ANK2: variants seen among roughly 807,000 people sequenced by gnomAD.
The protein encoded by ANK2 is ankyrin 2.
ANK2 carries 83 observed loss-of-function variants against 360.5 expected under a neutral mutation model. The observed-to-expected ratio is 0.23, with a 90% CI of 0.19 to 0.28. The LOEUF is 0.28. Ranked by LOEUF, ANK2 falls within the 10% of genes least tolerant of loss-of-function variation. The probability of loss-of-function intolerance (pLI) is 1.00; values close to 1 mark genes in which losing one functional copy is unlikely to be tolerated. For missense variants in ANK2, 4,201 were observed against 4,795.7 expected (o/e 0.88, Z 3.66); for synonymous variants, 1,740 against 1,759.5 (o/e 0.99, Z 0.28).
chr4:113,029,774 C>T (rs761774964), intron 2 of ANK2, among the ~76,000 whole-genome samples: 10 of 152,122 alleles, frequency 6.6e-5, no homozygotes, highest in Non-Finnish European at 1.3e-4. Context: ...TGACTTATCT[C>T]GACGGCCAAA....
At position 113,258,295 on chromosome 4, in the gene ANK2, T is replaced by C. The variant is rs1199417291; in HGVS notation, c.1288-18T>C. On this transcript the variant is annotated intron_variant, in intron 12 of 45. Coordinates refer to ENST00000357077, the MANE Select transcript of ANK2 (RefSeq NM_001148.6). ...CACCGGTGCAGAGGAGTAAAACTGCTGTTGCTTTGTTTCGCAGTCTGGCCT... is the reference window on the plus strand; with the variant it reads ...CACCGGTGCAGAGGAGTAAAACTGCCGTTGCTTTGTTTCGCAGTCTGGCCT... 2 of 1,612,584 alleles carry C rather than the reference T, an allele frequency of 1.2e-6. No individual in the cohort carries two copies. The highest frequency in any genetic ancestry group is 1.7e-6 in the Non-Finnish European group (2 of 1,178,812).
intron 1 of ANK2, among the ~76,000 whole-genome samples, chr4:113,109,393 A>T (rs2094028575): frequency 6.6e-6 from 1 of 152,140 alleles, no homozygotes; most frequent in South Asian, 2.1e-4. Context: ...TTTTAAACCA[A>T]GTTCGAAGCT....
intron 4 of ANK2, among the ~76,000 whole-genome samples, chr4:113,205,724 A>G (rs2098938095): frequency 6.6e-6 from 1 of 152,160 alleles, no homozygotes; most frequent in Non-Finnish European, 1.5e-5. Flanking sequence ...ATGTCTTTTC[A>G]GTTGTGGCTT....
rs1554513891 is a variant in ANK2 at position 113,333,123 on chromosome 4, C to T, written c.3294C>T (p.Arg1098=). 1 of 1,614,172 alleles carries T rather than the reference C, an allele frequency of 6.2e-7. No individual in the cohort carries two copies. The highest frequency in any genetic ancestry group is 8.5e-7 in the Non-Finnish European group (1 of 1,180,020). Residue 1098 remains arginine (R), a synonymous_variant, in exon 29 of 46, where the codon CGC becomes CGT. Coordinates refer to ENST00000357077, the MANE Select transcript of ANK2 (RefSeq NM_001148.6). ...RGKERELVVL[R]SENGDSWKEH... ...AGGAAAGGGAACTGGTGGTCCTGCG[C>T]AGTGAGAATGGGGACAGCTGGAAAG... is the stretch of plus-strand genomic sequence containing the variant.
chr4:112,810,155 ATATATTTT>A, the ANK2 span, among the ~76,000 whole-genome samples: 86 of 23,182 alleles, frequency 3.7e-3, no homozygotes, highest in African/African-American at 0.016. Flanking sequence ...ATATATATAT[ATATATTTT>A]TTTTTTTTTT....
At chr4:113,066,753 C>T (rs976692876) in intron 1 of ANK2, among the ~76,000 whole-genome samples, 6 of 152,024 alleles carry the variant, frequency 3.9e-5, no homozygotes, top group African/African-American at 1.2e-4. Context: ...CTGAGTAGAG[C>T]GTGGACTCTG....
the ANK2 span, among the ~76,000 whole-genome samples, chr4:112,712,290 GACTGGTCTCGA>G: frequency 6.7e-6 from 1 of 150,364 alleles, no homozygotes; most frequent in Admixed American, 6.6e-5. Flanking sequence ...ATGTTGGCCA[GACTGGTCTCGA>G]ACTTCTAACC....
upstream of ANK2, among the ~76,000 whole-genome samples, chr4:112,815,782 T>C (rs868776590): frequency 6.6e-6 from 1 of 152,230 alleles, no homozygotes; most frequent in Non-Finnish European, 1.5e-5. Context: ...AGCTTCCAAG[T>C]TGGTGAATGT....
chr4:112,858,326 A>G (rs527925090), intron 1 of ANK2, among the ~76,000 whole-genome samples: 41 of 152,326 alleles, frequency 2.7e-4, no homozygotes, highest in Middle Eastern at 3.4e-3. Context: ...TTATATCTTG[A>G]GCACAGACTA....
At chr4:113,116,977 C>A (rs10470912) in intron 1 of ANK2, 4 of 257,518 alleles carry the variant, frequency 1.6e-5, no homozygotes, top group African/African-American at 8.9e-5. Flanking sequence ...AGCTGGAAGT[C>A]TAGTGCTCCG....
Position 113,353,417 on chromosome 4 carries a change from T to C in ANK2, c.4799T>C (p.Ile1600Thr), listed in dbSNP as rs764150279. 6.2e-6 allele frequency: 10 copies of C among 1,613,856 alleles called. 1 individual carries two copies. The highest frequency in any genetic ancestry group is 1.6e-4 in the Middle Eastern group (1 of 6,082). ...EEWVIVSDEE[I>T]EEARQKAPLE... ...TGGGTTATTGTCAGTGATGAGGAAA[T>C]AGAAGAGGCTAGGCAAAAAGCACCT... The change falls in exon 38 of 46, where the codon ATA becomes ACA. Residue 1600 changes from isoleucine (I) to threonine (T), a missense_variant. Ile to Thr is a moderately conservative substitution (Grantham distance 89). Transcript: ENST00000357077.
the ANK2 span, among the ~76,000 whole-genome samples, chr4:112,730,161 C>T: frequency 5.7e-5 from 8 of 141,150 alleles, no homozygotes; most frequent in South Asian, 8.8e-4. Context: ...GGCTGAAGCA[C>T]GAGAATTGCT....
chr4:113,032,805 G>GTTAGAA (rs1474867987), intron 2 of ANK2, among the ~76,000 whole-genome samples: 1 of 152,060 alleles, frequency 6.6e-6, no homozygotes. Context: ...CCTAGGCTGA[G>GTTAGAA]TTAGAATACT....
At chr4:112,876,830 A>G (rs17672625) in intron 1 of ANK2, among the ~76,000 whole-genome samples, 11,284 of 152,224 alleles carry the variant, frequency 0.074, 617 homozygotes, top group Admixed American at 0.14. Flanking sequence ...TGCACATCAG[A>G]TACCACAAAG....
intron 1 of ANK2, among the ~76,000 whole-genome samples, chr4:112,901,160 C>T (rs955040921): frequency 1.5e-4 from 23 of 152,228 alleles, no homozygotes; most frequent in Admixed American, 5.2e-4. Flanking sequence ...GCACTTCATA[C>T]CTTTTTGTAG....
chr4:112,725,357 C>CTTTTTT, the ANK2 span, among the ~76,000 whole-genome samples: 3 of 73,594 alleles, frequency 4.1e-5, no homozygotes, highest in Non-Finnish European at 5.0e-5. Flanking sequence ...AAGACACAGT[C>CTTTTTT]TTTTTTTTTT....
In ANK2 at chr4:113,013,565, A is replaced by G. The variant is rs56722352; in HGVS notation, c.21+109051A>G. On this transcript the variant is annotated intron_variant, in intron 2 of 30. Coordinates refer to the ANK2 transcript ENST00000503271. ...GATAGTTAAAAATCTCCCAGAGTTA[A>G]CTACTTTTAACATCTTGTTGCAAAC... Among the ~76,000 whole-genome samples the G allele has an allele frequency of 7.8e-3, 1,183 of 152,318 alleles. 17 individuals carry two copies. The highest frequency in any genetic ancestry group is 0.027 in the African/African-American group (1,132 of 41,574).
intron 5 of ANK2, among the ~76,000 whole-genome samples, chr4:113,233,289 T>C (rs1044035999): frequency 3.3e-5 from 5 of 149,726 alleles, no homozygotes; most frequent in African/African-American, 4.9e-5. Context: ...CGCCCGCCAC[T>C]ACGCCCGGCT....
chr4:112,756,386 G>A, the ANK2 span, among the ~76,000 whole-genome samples: 1 of 152,122 alleles, frequency 6.6e-6, no homozygotes, highest in African/African-American at 2.4e-5. Flanking sequence ...ATCAATTCAC[G>A]TAGAACTAAC....
Sources: allele counts gnomAD v4.1 joint callset (sites outside exome capture counted in the v4.1 genomes callset), GRCh38; gene constraint gnomAD v4.1.1; transcripts MANE v1.5; gene names NCBI Gene and HGNC (gene_info 2026-07-23, HGNC 2026-07-21).